MARCHF1: variants seen among roughly 807,000 people sequenced by gnomAD.
The protein encoded by MARCHF1 is membrane associated ring-CH-type finger 1, also known as E3 ubiquitin-protein ligase MARCHF1.
MARCHF1 carries 40 observed loss-of-function variants against 54.2 expected under a neutral mutation model. That is an observed-to-expected ratio of 0.74 (90% CI 0.57 to 0.96). The LOEUF (loss-of-function observed/expected upper bound fraction) is 0.96, where lower values mean the gene tolerates loss of function less well. Among genes scored for constraint, MARCHF1 ranks in the 40% least tolerant of loss-of-function variants. MARCHF1 has a pLI of 0.00. For synonymous variants in MARCHF1, 236 were observed against 236.3 expected, an observed-to-expected ratio of 1.00 and a Z score of 0.01; for missense variants, 586 against 656.5, an observed-to-expected ratio of 0.89 and a Z score of 1.17.
chr4:164,310,988 CCTT>C (rs1734835346), intron 1 of MARCHF1, among the ~76,000 whole-genome samples: 1 of 152,088 alleles, frequency 6.6e-6, no homozygotes. Context: ...AAAACACTTT[CCTT>C]CTTATGATGC....
chr4:163,894,473 C>T (rs981014410), intron 3 of MARCHF1, among the ~76,000 whole-genome samples: 1 of 151,082 alleles, frequency 6.6e-6, no homozygotes, highest in Non-Finnish European at 1.5e-5. Flanking sequence ...TCAATGCCAG[C>T]CTCTGTAAGA....
At chr4:163,829,061 C>T (rs1285350025) in intron 4 of MARCHF1, 15 of 152,176 alleles carry the variant, frequency 9.9e-5, no homozygotes. Flanking sequence ...TCTGAACCAA[C>T]CCTGTCAAGT....
chr4:163,655,047 C>T (rs1743092436), intron 5 of MARCHF1, among the ~76,000 whole-genome samples: 1 of 151,620 alleles, frequency 6.6e-6, no homozygotes, highest in African/African-American at 2.4e-5. Context: ...CTCCCATTCA[C>T]ATGCATTTGG....
chr4:163,902,457 T>C (rs1014338358), intron 3 of MARCHF1, among the ~76,000 whole-genome samples: 24 of 152,212 alleles, frequency 1.6e-4, no homozygotes, highest in Non-Finnish European at 2.9e-4. Context: ...AAGTGTTTTA[T>C]ACTTATTGAT....
chr4:163,819,246 C>T (rs1229963472), intron 4 of MARCHF1, among the ~76,000 whole-genome samples: 1 of 152,096 alleles, frequency 6.6e-6, no homozygotes, highest in Non-Finnish European at 1.5e-5. Context: ...GATGCATAAG[C>T]CTTTCACTTA....
intron 1 of MARCHF1, among the ~76,000 whole-genome samples, chr4:164,291,461 A>T (rs888080742): frequency 2.0e-5 from 3 of 152,078 alleles, no homozygotes; most frequent in African/African-American, 7.2e-5. Context: ...GCCATAAGAC[A>T]TAATTATCAT....
intron 3 of MARCHF1, among the ~76,000 whole-genome samples, chr4:163,897,185 A>C (rs1750828542): frequency 6.6e-6 from 1 of 152,140 alleles, no homozygotes; most frequent in Non-Finnish European, 1.5e-5. Context: ...AAGATCAAAC[A>C]CCCAACTCAT....
chr4:163,952,590 C>T (rs989178456), intron 3 of MARCHF1, among the ~76,000 whole-genome samples: 13 of 152,122 alleles, frequency 8.5e-5, no homozygotes, highest in African/African-American at 2.7e-4. Context: ...AGACATTCAC[C>T]ACTCCATCTA....
chr4:163,929,934 T>A (rs189812353), intron 3 of MARCHF1, among the ~76,000 whole-genome samples: 934 of 49,830 alleles, frequency 0.019, 13 homozygotes, highest in East Asian at 0.097. Flanking sequence ...TATAATATAT[T>A]ATATATTTAT....
chr4:163,695,357 CT>C (rs2111214437), intron 5 of MARCHF1, among the ~76,000 whole-genome samples: 1 of 152,202 alleles, frequency 6.6e-6, no homozygotes, highest in African/African-American at 2.4e-5. Context: ...CATAGAATAC[CT>C]TGTACACAGT....
At position 163,918,105 on chromosome 4, in the gene MARCHF1, T is replaced by C. The variant is rs1310798356; in HGVS notation, c.-38-63936A>G. Among the ~76,000 whole-genome samples, 7 of 152,314 alleles carry C rather than the reference T, an allele frequency of 4.6e-5. No individual in the cohort carries two copies. In the East Asian group the frequency reaches 1.2e-3, roughly 25 times the overall value. On this transcript the variant is annotated intron_variant, in intron 3 of 9. Transcript: ENST00000514618. ...AGGAAGGGGTCCACTTTCAATTTTC[T>C]GTATATGGCTAGCCAGTTCTCCCAG... is the stretch of plus-strand genomic sequence containing the variant.
chr4:163,753,015 C>A (rs1478443858), intron 4 of MARCHF1, among the ~76,000 whole-genome samples: 1 of 151,998 alleles, frequency 6.6e-6, no homozygotes, highest in African/African-American at 2.4e-5. Context: ...GCTTTGTTAC[C>A]ATGTATTCTT....
At chr4:163,850,386 G>A (rs1749610479) in intron 4 of MARCHF1, among the ~76,000 whole-genome samples, 1 of 152,162 alleles carries the variant, frequency 6.6e-6, no homozygotes, top group Non-Finnish European at 1.5e-5. Context: ...TCCTCCCTCT[G>A]TTACTCTTCT....
intron 8 of MARCHF1, among the ~76,000 whole-genome samples, chr4:163,574,869 G>C (rs1739983657): frequency 6.6e-6 from 1 of 151,466 alleles, no homozygotes; most frequent in Non-Finnish European, 1.5e-5. Flanking sequence ...TTGGTAGCTT[G>C]ATGGGGATGG....
chr4:163,553,556 G>C (rs925911671), intron 8 of MARCHF1, among the ~76,000 whole-genome samples: 1 of 152,130 alleles, frequency 6.6e-6, no homozygotes, highest in African/African-American at 2.4e-5. Flanking sequence ...GCATATACTA[G>C]GTAGAAACAG....
In MARCHF1 at chr4:163,528,924, A is replaced by G. The variant is rs778540585; in HGVS notation, c.1462T>C (p.Tyr488His). The G allele has an allele frequency of 6.8e-6, 11 of 1,613,400 alleles. No individual in the cohort carries two copies. The South Asian group carries it at 1.1e-4, about 16-fold the overall frequency. The stretch of plus-strand genomic sequence containing the variant: ...TTTTGTACAAAGATCACACGGTTGT[A>G]GGCCTTCAGCCTGCGCCACAACTGA... ...YVQLWRRLKA[Y>H]NRVIFVQNCP... Residue 488 changes from tyrosine (Y) to histidine (H), a missense_variant, in exon 10 of 10, where the codon TAC (tyrosine) becomes CAC (histidine). This residue lies in a region of MARCHF1 where 106 missense variants were observed against 93.8 expected (regional missense o/e 1.13). Coordinates refer to ENST00000514618, the MANE Select transcript of MARCHF1 (RefSeq NM_001394959.1).
chr4:163,734,850 A>G (rs886295878), intron 4 of MARCHF1, among the ~76,000 whole-genome samples: 3 of 152,178 alleles, frequency 2.0e-5, no homozygotes, highest in Admixed American at 6.5e-5. Context: ...GTTGCACTTC[A>G]ATAAAATTAT....
chr4:163,540,889 C>G (rs1267258527), intron 9 of MARCHF1, among the ~76,000 whole-genome samples: 1 of 152,190 alleles, frequency 6.6e-6, no homozygotes, highest in African/African-American at 2.4e-5. Context: ...TGATTCCCAC[C>G]TGTAGTCCCA....
chr4:163,568,526 C>T (rs905037440), intron 8 of MARCHF1, among the ~76,000 whole-genome samples: 1 of 152,026 alleles, frequency 6.6e-6, no homozygotes, highest in Non-Finnish European at 1.5e-5. Context: ...AATTCTTGAG[C>T]TTAGTCTTTT....
Sources: allele counts gnomAD v4.1 joint callset (sites outside exome capture counted in the v4.1 genomes callset), GRCh38; gene constraint gnomAD v4.1.1; regional missense constraint gnomAD v4.1.1; transcripts MANE v1.5; gene names NCBI Gene and HGNC (gene_info 2026-07-23, HGNC 2026-07-21).